CP: variants seen among roughly 807,000 people sequenced by gnomAD.
CP encodes the protein ceruloplasmin.
In CP, 64 loss-of-function variants were observed where a neutral mutation model predicts 122.4. The observed-to-expected ratio is 0.52, with a 90% CI of 0.43 to 0.64. The LOEUF is 0.64. Ranked by LOEUF, CP falls within the 30% of genes least tolerant of loss-of-function variation. The pLI, the probability that CP is intolerant of heterozygous loss-of-function variation, is 0.00. For synonymous variants in CP, 440 were observed against 436.4 expected (o/e 1.01, Z -0.10); for missense variants, 1,167 against 1,284.4 (o/e 0.91, Z 1.40).
At chr3:149,162,536 T>C in exon 6 of CP, 1 of 988,916 alleles carries the variant, frequency 1.0e-6, no homozygotes, top group South Asian at 1.4e-5. Context: ...TGTTTCCTTT[T>C]AAAAATGTCT....
intron 4 of CP, among the ~76,000 whole-genome samples, chr3:149,208,585 T>A (rs947693256): frequency 2.0e-5 from 3 of 152,196 alleles, no homozygotes; most frequent in African/African-American, 7.2e-5. Flanking sequence ...AACGAAAATA[T>A]CTACTTATTG....
At chr3:149,179,711 TACACACACACACACACACACAC>T (rs71304221) in intron 14 of CP, 49 bp from the exon 15 acceptor site, 16 of 608,970 alleles carry the variant, frequency 2.6e-5, no homozygotes, top group African/African-American at 1.5e-4. Context: ...GTTTATATTG[TACACACACACACACACACACAC>T]ACACACACAC....
Position 149,187,232 on chromosome 3 carries a change from A to G in CP, c.1865-500T>C, listed in dbSNP as rs530913796. Among the ~76,000 whole-genome samples, 3 of 152,302 alleles carry G rather than the reference A, an allele frequency of 2.0e-5. 1 individual carries two copies. Among genetic ancestry groups the G allele is most frequent in the South Asian group, 4.1e-4 (2 of 4,828 alleles). On this transcript the variant is annotated intron_variant, in intron 10 of 18. Transcript: ENST00000264613. ...TTATTTTTGATGATTAATATTCTCA[A>G]TGCTTCCAAATATACAAAAATGCAG...
chr3:149,181,983 C>CGG, intron 14 of CP, 22 bp downstream of exon 14: 1 of 547,182 alleles, frequency 1.8e-6, no homozygotes, highest in Non-Finnish European at 3.5e-6. Flanking sequence ...TGCACCACCC[C>CGG]CACCCCCGCC....
At position 149,173,015 on chromosome 3, in the gene CP, G is replaced by C. The variant is rs1725155829; in HGVS notation, c.*699C>G. ...TTAAAAAATTTTTAGTTCAAGTTTAGTTCATTGATATTATCCTCTGAATGC... is the reference window on the plus strand; with the variant it reads ...TTAAAAAATTTTTAGTTCAAGTTTACTTCATTGATATTATCCTCTGAATGC... On this transcript the variant is annotated 3_prime_UTR_variant, in exon 19 of 19. Coordinates refer to ENST00000264613, the MANE Select transcript of CP (RefSeq NM_000096.4). 1 of 152,490 alleles carries C rather than the reference G, an allele frequency of 6.6e-6. No individual in the cohort carries two copies. The highest frequency in any genetic ancestry group is 1.5e-5 in the Non-Finnish European group (1 of 67,994). 9.4% of individuals were successfully genotyped at this position (152,490 alleles called of 1,614,324 possible).
chr3:149,177,451 C>T (rs1158259692), intron 17 of CP, among the ~76,000 whole-genome samples: 2 of 152,118 alleles, frequency 1.3e-5, no homozygotes, highest in Admixed American at 6.5e-5. Context: ...TTCAGGAATG[C>T]CCCCATACCA....
intron 1 of CP, among the ~76,000 whole-genome samples, chr3:149,218,391 T>A (rs1283869930): frequency 1.3e-5 from 2 of 152,232 alleles, no homozygotes; most frequent in Non-Finnish European, 2.9e-5. Flanking sequence ...GATAAGGCAC[T>A]GACCCAAGTA....
At chr3:149,182,235 T>A in intron 13 of CP, 102 bp from the exon 14 acceptor site, 1 of 1,352,984 alleles carries the variant, frequency 7.4e-7, no homozygotes, top group Non-Finnish European at 1.0e-6. Flanking sequence ...CATGGGTTTG[T>A]GGTATAATAC....
At chr3:149,196,015 A>G (rs952574366) in intron 9 of CP, among the ~76,000 whole-genome samples, 1 of 152,232 alleles carries the variant, frequency 6.6e-6, no homozygotes, top group Admixed American at 6.5e-5. Flanking sequence ...CAGTGGTGGC[A>G]AAACTATGTG....
At chr3:149,168,449 T>A, downstream of CP, 1 of 173,918 alleles carries the variant, frequency 5.7e-6, no homozygotes, top group South Asian at 1.3e-4. Flanking sequence ...ATTTGAATTT[T>A]CATAATTCAT....
At chr3:149,172,224 G>C (rs776380448), downstream of CP, 19 of 1,601,832 alleles carry the variant, frequency 1.2e-5, no homozygotes, top group African/African-American at 2.4e-4. Flanking sequence ...TTGACTTAAA[G>C]GTATCATTTG....
rs924474320 is a variant in CP, at chr3:149,212,557, A to G, written c.288T>C (p.Ile96=). ...CTTTATCTCCAGTTTCAGCTTTGATAATAGGGCCTAAAAACCCAAGCCAGA... is the reference window on the plus strand; with the variant it reads ...CTTTATCTCCAGTTTCAGCTTTGATGATAGGGCCTAAAAACCCAAGCCAGA... ...KPVWLGFLGP[I]IKAETGDKVY... Residue 96 remains isoleucine (I), a synonymous_variant, in exon 2 of 19, where the codon ATT becomes ATC. Coordinates refer to ENST00000264613, the MANE Select transcript of CP (RefSeq NM_000096.4). 1.2e-6 allele frequency: 2 copies of G among 1,614,068 alleles called. No homozygotes were observed. The highest frequency in any genetic ancestry group is 8.5e-7 in the Non-Finnish European group (1 of 1,179,980).
At chr3:149,163,854 A>C (rs1199235899) in intron 5 of CP, 4 of 1,538,514 alleles carry the variant, frequency 2.6e-6, no homozygotes, top group East Asian at 2.3e-5. Flanking sequence ...AAATGCCTGT[A>C]GTCATTATGG....
intron 7 of CP, among the ~76,000 whole-genome samples, chr3:149,201,401 G>A (rs570749666): frequency 8.5e-5 from 13 of 152,056 alleles, no homozygotes; most frequent in African/African-American, 2.4e-4. Flanking sequence ...GATTACAGGC[G>A]TGAGCCACCA....
downstream of CP, among the ~76,000 whole-genome samples, chr3:149,171,528 A>G (rs1259057778): frequency 6.6e-6 from 1 of 152,228 alleles, no homozygotes; most frequent in Non-Finnish European, 1.5e-5. Context: ...GCAAAATAAT[A>G]TAGTAATTCA....
chr3:149,196,139 C>T (rs1726884794), intron 9 of CP, among the ~76,000 whole-genome samples: 1 of 152,016 alleles, frequency 6.6e-6, no homozygotes, highest in Non-Finnish European at 1.5e-5. Context: ...TTTCAGTAAT[C>T]ATATTGTTGA....
rs527298137 is a variant in CP at position 149,165,076 on chromosome 3, A to G, written c.*13+870T>C. 6.5e-4 allele frequency among the ~76,000 whole-genome samples: 99 copies of G among 152,322 alleles called. 1 individual carries two copies. The Middle Eastern group carries it at 0.017, about 26-fold the overall frequency. On this transcript the variant is annotated intron_variant, in intron 5 of 5. Coordinates refer to the CP transcript ENST00000479771. ...TATTTATGTGCTTCTTTAAAAAATA[A>G]CCAAAGAAGATTCTTCTTGTCTCTT...
At chr3:149,172,190 C>T (rs367699256), downstream of CP, 1 of 1,613,562 alleles carries the variant, frequency 6.2e-7, no homozygotes, top group Admixed American at 1.7e-5. Context: ...GCCATATCTT[C>T]TCTATTGCAG....
intron 18 of CP, 48 bp downstream of exon 18, chr3:149,176,202 G>T: frequency 1.9e-6 from 3 of 1,569,346 alleles, no homozygotes; most frequent in Non-Finnish European, 2.6e-6. Flanking sequence ...AGTTCCTTTA[G>T]TTATATCTTT....
Sources: gnomAD v4.1 joint callset for allele counts (sites outside exome capture counted in the v4.1 genomes callset) on GRCh38, gnomAD v4.1.1 for gene constraint, MANE v1.5 for transcripts, NCBI Gene and HGNC (gene_info 2026-07-23, HGNC 2026-07-21) for gene names.